LIMA1: variants seen among roughly 807,000 people sequenced by gnomAD.
LIMA1 encodes the protein LIM domain and actin-binding protein 1.
Under a neutral mutation model 62.6 loss-of-function variants are expected in LIMA1, and 52 were observed. The ratio of observed to expected loss-of-function variants is 0.83; its 90% CI spans 0.67 to 1.05. LIMA1 has a LOEUF of 1.05. LIMA1 is among the 50% of genes least tolerant of loss of function. The pLI is 0.00. For missense variants in LIMA1, 780 were observed against 902.2 expected, an observed-to-expected ratio of 0.86 and a Z score of 1.74; for synonymous variants, 302 against 317.8, an observed-to-expected ratio of 0.95 and a Z score of 0.53.
intron 1 of LIMA1, among the ~76,000 whole-genome samples, chr12:50,269,451 G>A (rs1942176934): frequency 6.6e-6 from 1 of 152,124 alleles, no homozygotes; most frequent in Non-Finnish European, 1.5e-5. Flanking sequence ...TAGCGTACAT[G>A]ATATTTCAGG....
rs867704033 is a variant in LIMA1, at chr12:50,269,781, G to A, written c.-24+13639C>T. On this transcript the variant is annotated intron_variant, in intron 1 of 10. Transcript: ENST00000341247. Reference sequence around the variant, plus strand: ...TAAAAATACAAAAAATTAGCCGGGTGTGGTGGCACATGTCTGTAATCCCAA... The same window carrying A: ...TAAAAATACAAAAAATTAGCCGGGTATGGTGGCACATGTCTGTAATCCCAA... 9.2e-5 allele frequency among the ~76,000 whole-genome samples: 14 copies of A among 151,578 alleles called. No homozygotes were observed. The South Asian group carries it at 2.9e-3, about 32-fold the overall frequency.
chr12:50,182,371 G>A (rs1940526459), intron 9 of LIMA1, among the ~76,000 whole-genome samples: 1 of 152,036 alleles, frequency 6.6e-6, no homozygotes, highest in Admixed American at 6.6e-5. Context: ...GGGGGGGAGT[G>A]CAGGGATTAG....
chr12:50,275,462 T>C (rs994092744), intron 1 of LIMA1, among the ~76,000 whole-genome samples: 9 of 152,164 alleles, frequency 5.9e-5, no homozygotes, highest in African/African-American at 2.2e-4. Context: ...AAAAGGCTTG[T>C]AATCTTACAA....
At chr12:50,260,613 C>A (rs1942053771) in intron 1 of LIMA1, among the ~76,000 whole-genome samples, 1 of 152,072 alleles carries the variant, frequency 6.6e-6, no homozygotes, top group Non-Finnish European at 1.5e-5. Context: ...TGAATTTTTG[C>A]TTCTATCAAA....
rs748700098 is a variant in LIMA1 at position 50,192,449 on chromosome 12, T to C, written c.1140+3A>G. ...AAGGCTCAGAGAGAAATTGCCATCA[T>C]ACCTTCATTGCTTTGGGAGGAGAAC... On this transcript the variant is annotated splice_donor_region_variant and intron_variant, in intron 9 of 10. Coordinates refer to ENST00000341247, the MANE Select transcript of LIMA1 (RefSeq NM_016357.5). The C allele has an allele frequency of 1.1e-5, 17 of 1,593,432 alleles. No individual in the cohort carries two copies. The highest frequency in any genetic ancestry group is 1.2e-5 in the Non-Finnish European group (14 of 1,161,344).
intron 6 of LIMA1, among the ~76,000 whole-genome samples, chr12:50,202,967 T>C (rs1315032878): frequency 7.2e-5 from 11 of 151,886 alleles, no homozygotes; most frequent in Admixed American, 6.6e-4. Context: ...TGTGTGTGTA[T>C]ACATATATAT....
chr12:50,248,651 A>G lies in LIMA1; in HGVS notation c.101T>C (p.Ile34Thr), dbSNP rs77071624. 1 of 1,610,890 alleles carries G rather than the reference A, an allele frequency of 6.2e-7. No individual in the cohort carries two copies. The change falls in exon 2 of 11, where the codon ATT (isoleucine) becomes ACT (threonine). Residue 34 changes from isoleucine (I) to threonine (T), a missense_variant. Transcript: ENST00000341247. ...SLVNKNKSSA[I>T]VEIFSKYQKA... Reference sequence around the variant, plus strand: ...CACTTACTTGGAGAATATTTCCACAATAGCCGATGACTTGTTCTTGTTGAC... The same window carrying G: ...CACTTACTTGGAGAATATTTCCACAGTAGCCGATGACTTGTTCTTGTTGAC...
At chr12:50,183,500 G>A (rs1465459311) in intron 9 of LIMA1, among the ~76,000 whole-genome samples, 2 of 152,086 alleles carry the variant, frequency 1.3e-5, no homozygotes, top group Non-Finnish European at 2.9e-5. Context: ...TTATGGGCAA[G>A]ATAGAATTTT....
At position 50,177,414 on chromosome 12, in the gene LIMA1, T is replaced by G. The variant is rs746434320; in HGVS notation, c.1930A>C (p.Lys644Gln). The stretch of plus-strand genomic sequence containing the variant: ...GTTGTTTTTCCCACATTCCCATTCT[T>G]CTTAGAAGCCTTGGCATTTTCCACT... ...KQVENAKASK[K>Q]NGNVGKTTWQ... The change falls in exon 11 of 11, where the codon AAG (lysine) becomes CAG (glutamine). Residue 644 changes from lysine (K) to glutamine (Q), a missense_variant. By Grantham distance (53) the Lys-to-Gln change is moderately conservative (BLOSUM62 1). Transcript: ENST00000341247. 6 of 1,614,186 alleles carry G rather than the reference T, an allele frequency of 3.7e-6. No individual in the cohort carries two copies. Among genetic ancestry groups the G allele is most frequent in the Admixed American group, 1.7e-5 (1 of 60,016 alleles).
chr12:50,255,950 C>T (rs781228849), intron 1 of LIMA1, among the ~76,000 whole-genome samples: 4 of 151,786 alleles, frequency 2.6e-5, no homozygotes, highest in Non-Finnish European at 5.9e-5. Flanking sequence ...AGTGCAGTGG[C>T]GCAATCTCGG....
Position 50,247,686 on chromosome 12 carries a change from C to T in LIMA1, c.119+947G>A, listed in dbSNP as rs552589014. ...TTGCCCAGGCTGTAGTGCAGTGGCA[C>T]GATTTCAGCTTACTGCAACCTCCGC... On this transcript the variant is annotated intron_variant, in intron 2 of 10. Coordinates refer to ENST00000341247, the MANE Select transcript of LIMA1 (RefSeq NM_016357.5). Among the ~76,000 whole-genome samples, 6 of 151,250 alleles carry T rather than the reference C, an allele frequency of 4.0e-5. No individual in the cohort carries two copies. The South Asian group carries it at 6.3e-4, about 16-fold the overall frequency.
intron 2 of LIMA1, among the ~76,000 whole-genome samples, chr12:50,243,033 C>T (rs754935798): frequency 2.1e-4 from 32 of 152,152 alleles, no homozygotes; most frequent in Non-Finnish European, 4.3e-4. Flanking sequence ...ATGCTGAAGT[C>T]AGTGGTGAGT....
intron 9 of LIMA1, chr12:50,186,808 C>G (rs955319779): frequency 1.3e-5 from 2 of 152,260 alleles, no homozygotes; most frequent in African/African-American, 4.8e-5. Flanking sequence ...GCTCCCTCAG[C>G]CTTTGTGGGT....
At chr12:50,264,533 T>C (rs1942115479) in intron 1 of LIMA1, among the ~76,000 whole-genome samples, 2 of 152,138 alleles carry the variant, frequency 1.3e-5, no homozygotes, top group African/African-American at 2.4e-5. Flanking sequence ...AGAATGGAAA[T>C]AGCAGCTGGT....
At chr12:50,187,453 GC>G (rs947595047) in intron 9 of LIMA1, 9 of 152,320 alleles carry the variant, frequency 5.9e-5, no homozygotes, top group Admixed American at 5.2e-4. Flanking sequence ...GGTTGGGCCA[GC>G]CCTGTGCAGC....
At chr12:50,239,025 C>T (rs1167328156) in intron 2 of LIMA1, among the ~76,000 whole-genome samples, 1 of 152,084 alleles carries the variant, frequency 6.6e-6, no homozygotes. Flanking sequence ...GAGAGAAATT[C>T]AGAGAAGCTG....
chr12:50,200,946 G>A lies in LIMA1; in HGVS notation c.865-62C>T, dbSNP rs946967774. 1.9e-6 allele frequency: 3 copies of A among 1,579,790 alleles called. No individual in the cohort carries two copies. The African/African-American group carries it at 4.1e-5, about 22-fold the overall frequency. ...GTCCCATCATTCTGTTCTCTTCATA[G>A]CACATCTATTAGATAAACTTGGAAT... On this transcript the variant is annotated intron_variant, in intron 6 of 10. Coordinates refer to ENST00000341247, the MANE Select transcript of LIMA1 (RefSeq NM_016357.5).
intron 5 of LIMA1, 82 bp from the exon 6 acceptor site, chr12:50,204,782 C>T (rs998516270): frequency 1.8e-5 from 25 of 1,355,938 alleles, no homozygotes; most frequent in Middle Eastern, 2.3e-4. Flanking sequence ...TGCAGTGGCA[C>T]GATCATAGCT....
intron 1 of LIMA1, among the ~76,000 whole-genome samples, chr12:50,271,447 C>A (rs1325216791): frequency 6.6e-6 from 1 of 152,038 alleles, no homozygotes; most frequent in African/African-American, 2.4e-5. Context: ...TGGTTCTTTC[C>A]CTCCCCGTCC....
Sources: gnomAD v4.1 joint callset for allele counts (sites outside exome capture counted in the v4.1 genomes callset) on GRCh38, gnomAD v4.1.1 for gene constraint, MANE v1.5 for transcripts, NCBI Gene and HGNC (gene_info 2026-07-23, HGNC 2026-07-21) for gene names.